Variants in GABRP observed in about 807,000 individuals in gnomAD.
GABRP encodes gamma-aminobutyric acid type A receptor subunit pi.
A neutral mutation model predicts 47.8 loss-of-function variants in GABRP; 52 were observed. That is an observed-to-expected ratio of 1.09 (90% confidence interval 0.87 to 1.37). The LOEUF (loss-of-function observed/expected upper bound fraction) is 1.37. Ranked by LOEUF, GABRP falls within the 40% of genes most tolerant of loss-of-function variation. GABRP has a pLI of 0.00. For missense variants in GABRP, 525 were observed against 542.8 expected (o/e 0.97, Z 0.33); for synonymous variants, 221 against 205.8 (o/e 1.07, Z -0.63).
In GABRP at chr5:170,794,223, T is replaced by TA. The variant is rs1408089051; in HGVS notation, c.173-7dup. On this transcript the variant is annotated splice_polypyrimidine_tract_variant and splice_region_variant and intron_variant, in intron 3 of 9. Transcript: ENST00000265294. Reference sequence around the variant, plus strand: ...GTTTCCATTCTTTCTTGTTTTTTTTTATCTTAGGAGAACCCGTACAGATAG... The same window carrying TA: ...GTTTCCATTCTTTCTTGTTTTTTTTTAATCTTAGGAGAACCCGTACAGATAG... 5 of 1,598,868 alleles carry TA rather than the reference T, an allele frequency of 3.1e-6. No homozygotes were observed. The highest frequency in any genetic ancestry group is 1.3e-5 in the African/African-American group (1 of 74,400).
In GABRP at chr5:170,795,318, G is replaced by A. The variant is rs536367107; in HGVS notation, c.351G>A (p.Val117=). Reference sequence around the variant, plus strand: ...CCCGCCTCGTGGAGTTCCTCTGGGTGCCAGATACTTACATTGTGGAGTCCA... The same window carrying A: ...CCCGCCTCGTGGAGTTCCTCTGGGTACCAGATACTTACATTGTGGAGTCCA... ...LDARLVEFLW[V]PDTYIVESKK... Residue 117 remains valine, a synonymous_variant, in exon 5 of 10, where the codon GTG becomes GTA. Coordinates refer to ENST00000265294, the MANE Select transcript of GABRP (RefSeq NM_014211.3). The A allele has an allele frequency of 6.2e-7, 1 of 1,613,938 alleles. No individual in the cohort carries two copies. Among genetic ancestry groups the A allele is most frequent in the Non-Finnish European group, 8.5e-7 (1 of 1,179,970 alleles).
chr5:170,811,364 A>G (rs375986020), intron 9 of GABRP, among the ~76,000 whole-genome samples: 22 of 151,608 alleles, frequency 1.5e-4, no homozygotes, highest in South Asian at 4.2e-4. Flanking sequence ...ATGTTGGAGA[A>G]TGGCAACTCC....
At chr5:170,796,990 A>G (rs1765446310) in intron 5 of GABRP, among the ~76,000 whole-genome samples, 1 of 152,180 alleles carries the variant, frequency 6.6e-6, no homozygotes, top group Non-Finnish European at 1.5e-5. Flanking sequence ...GGTTCCCATG[A>G]GGAGGCAGGG....
At chr5:170,799,027 G>C (rs533289897) in intron 6 of GABRP, among the ~76,000 whole-genome samples, 1 of 149,150 alleles carries the variant, frequency 6.7e-6, no homozygotes, top group East Asian at 2.0e-4. Flanking sequence ...GAGAACATGC[G>C]GTGTTTGGTT....
rs1322451401 is a variant in GABRP at position 170,797,484 on chromosome 5, A to G, written c.477A>G (p.Ala159=). 1 of 1,611,684 alleles carries G rather than the reference A, an allele frequency of 6.2e-7. No homozygotes were observed. Among genetic ancestry groups the G allele is most frequent in the African/African-American group, 1.3e-5 (1 of 75,006 alleles). ...LYALRITTTV[A]CNMDLSKYPM... is the part of the protein sequence containing the mutation. ...CTCTTAGAATCACGACAACTGTTGC[A>G]TGTAACATGGATCTGTCTAAATACC... The change falls in exon 6 of 10, where the codon GCA becomes GCG. Residue 159 remains alanine, a synonymous_variant. Coordinates refer to ENST00000265294, the MANE Select transcript of GABRP (RefSeq NM_014211.3).
intron 1 of GABRP, 145 bp from the exon 2 acceptor site, chr5:170,788,429 G>A: frequency 1.8e-6 from 1 of 544,726 alleles, no homozygotes; most frequent in South Asian, 3.0e-5. Flanking sequence ...GGGAGAAGGA[G>A]CTGTAACCGA....
rs1581611932 is a variant in GABRP at position 170,812,659 on chromosome 5, A to G, written c.*401A>G. On this transcript the variant is annotated 3_prime_UTR_variant, in exon 10 of 10. Transcript: ENST00000265294. ...AGTAACTATACATGTTTTTTACTAA[A>G]TCTCTGCAGTGCTTATAAAATACAT... 5.9e-6 allele frequency: 1 copy of G among 169,818 alleles called. No individual in the cohort carries two copies. The highest frequency in any genetic ancestry group is 1.5e-4 in the South Asian group (1 of 6,596). The allele number at this position is 169,818 out of a possible 1,614,324, so 10.5% of individuals were successfully genotyped here.
intron 3 of GABRP, among the ~76,000 whole-genome samples, chr5:170,793,382 A>C (rs780679125): frequency 6.6e-6 from 1 of 152,220 alleles, no homozygotes; most frequent in Non-Finnish European, 1.5e-5. Context: ...CTGACACCTC[A>C]GTCTCTAGAG....
At chr5:170,804,257 T>C (rs1054563870) in intron 6 of GABRP, among the ~76,000 whole-genome samples, 1 of 152,218 alleles carries the variant, frequency 6.6e-6, no homozygotes, top group African/African-American at 2.4e-5. Context: ...ATTTTATTTA[T>C]TGATTCATCA....
intron 3 of GABRP, among the ~76,000 whole-genome samples, chr5:170,789,686 C>T (rs775027759): frequency 2.0e-5 from 3 of 152,090 alleles, no homozygotes; most frequent in Admixed American, 2.0e-4. Context: ...CCAGCATGCT[C>T]GCGTAGAGTC....
chr5:170,807,004 A>G (rs1765754274), intron 7 of GABRP, among the ~76,000 whole-genome samples: 3 of 151,664 alleles, frequency 2.0e-5, no homozygotes, highest in African/African-American at 7.3e-5. Context: ...GCTGGAGTGC[A>G]GTGGCGCAAT....
At chr5:170,787,810 G>T (rs1345533527) in intron 1 of GABRP, among the ~76,000 whole-genome samples, 1 of 152,166 alleles carries the variant, frequency 6.6e-6, no homozygotes, top group African/African-American at 2.4e-5. Context: ...AGGCTCTCAG[G>T]TTTTTGTTTC....
chr5:170,810,686 C>T (rs569926273), intron 9 of GABRP, among the ~76,000 whole-genome samples: 25 of 152,218 alleles, frequency 1.6e-4, no homozygotes, highest in African/African-American at 5.3e-4. Flanking sequence ...AGAAGAGGTG[C>T]CCACCTTGAG....
At chr5:170,799,406 A>C (rs1052930021) in intron 6 of GABRP, among the ~76,000 whole-genome samples, 48 of 152,168 alleles carry the variant, frequency 3.2e-4, no homozygotes, top group Non-Finnish European at 5.1e-4. Context: ...AACAGTGTAA[A>C]AGTGTTCCTA....
chr5:170,794,216 T>G lies in GABRP; in HGVS notation c.173-15T>G, dbSNP rs1251888659. The G allele has an allele frequency of 6.3e-7, 1 of 1,591,540 alleles. No individual in the cohort carries two copies. The highest frequency in any genetic ancestry group is 8.6e-7 in the Non-Finnish European group (1 of 1,162,836). ...TGGTTGTGTTTCCATTCTTTCTTGT[T>G]TTTTTTTATCTTAGGAGAACCCGTA... On this transcript the variant is annotated splice_polypyrimidine_tract_variant and intron_variant, in intron 3 of 9. Coordinates refer to ENST00000265294, the MANE Select transcript of GABRP (RefSeq NM_014211.3).
At chr5:170,794,837 A>AT (rs879825119) in intron 4 of GABRP, among the ~76,000 whole-genome samples, 1 of 151,832 alleles carries the variant, frequency 6.6e-6, no homozygotes, top group Non-Finnish European at 1.5e-5. Context: ...CCACCAAAAA[A>AT]TTCAACAATT....
At chr5:170,783,491 C>T (rs1158905984), upstream of GABRP, among the ~76,000 whole-genome samples, 7 of 152,102 alleles carry the variant, frequency 4.6e-5, no homozygotes, top group Non-Finnish European at 8.8e-5. Context: ...TCCTTGATCT[C>T]AGGGGTCTTT....
At position 170,813,218 on chromosome 5, in the gene GABRP, T is replaced by C. The variant is rs576857503; in HGVS notation, c.*960T>C. 1.3e-5 allele frequency: 2 copies of C among 152,312 alleles called. No individual in the cohort carries two copies. Among genetic ancestry groups the C allele is most frequent in the East Asian group, 3.9e-4 (2 of 5,180 alleles). 9.4% of individuals were successfully genotyped at this position (152,312 alleles called of 1,614,324 possible). A position where few individuals can be genotyped will look rare whatever the true frequency, so the allele number is the denominator to read the frequency against. The stretch of plus-strand genomic sequence containing the variant: ...GACTCAGAGAGTCGCTGTCATTCTG[T>C]CATTGCTGCTACTCTAACACTGAGC... On this transcript the variant is annotated 3_prime_UTR_variant, in exon 10 of 10. Transcript: ENST00000265294.
intron 9 of GABRP, among the ~76,000 whole-genome samples, chr5:170,810,886 C>T (rs1765865294): frequency 6.6e-6 from 1 of 151,836 alleles, no homozygotes; most frequent in Non-Finnish European, 1.5e-5. Flanking sequence ...TATTTTGCTC[C>T]CTTAGGCTTC....
Sources: allele counts gnomAD v4.1 joint callset (sites outside exome capture counted in the v4.1 genomes callset), GRCh38; gene constraint gnomAD v4.1.1; transcripts MANE v1.5; gene names NCBI Gene and HGNC (gene_info 2026-07-23, HGNC 2026-07-21).